AGMO: variants seen among roughly 807,000 people sequenced by gnomAD.
AGMO encodes glyceryl-ether monooxygenase.
In AGMO, 75 loss-of-function variants were observed where a neutral mutation model predicts 60.2. That is an observed-to-expected ratio of 1.25 (90% confidence interval 1.03 to 1.51). AGMO has a LOEUF of 1.51. AGMO is among the 40% of genes most tolerant of loss of function. AGMO has a pLI of 0.00. For synonymous variants in AGMO, 261 were observed against 177.1 expected (o/e 1.47, Z -3.76); for missense variants, 763 against 525.5 (o/e 1.45, Z -4.42).
intron 3 of AGMO, among the ~76,000 whole-genome samples, chr7:15,544,359 A>T (rs1008356828): frequency 2.0e-5 from 3 of 152,042 alleles, no homozygotes; most frequent in South Asian, 2.1e-4. Flanking sequence ...TTGCCCAAAA[A>T]CCTATTGCAA....
Position 15,367,834 on chromosome 7 carries a change from C to G in AGMO, c.1075-1612G>C, listed in dbSNP as rs142489630. Among the ~76,000 whole-genome samples the G allele has an allele frequency of 1.6e-3, 249 of 152,186 alleles. 1 individual carries two copies. Among genetic ancestry groups the G allele is most frequent in the African/African-American group, 5.6e-3 (234 of 41,562 alleles). On this transcript the variant is annotated intron_variant, in intron 10 of 12. Transcript: ENST00000342526. ...GTGCCCAAAACATTATGCAAGCACT[C>G]TTTCCTTTGTTTCCCCTTGAAATGA...
intron 12 of AGMO, among the ~76,000 whole-genome samples, chr7:15,357,912 A>G (rs1782603287): frequency 6.6e-6 from 1 of 152,238 alleles, no homozygotes. Context: ...ATAAATGCCA[A>G]GGAAGCCTGA....
the AGMO span, among the ~76,000 whole-genome samples, chr7:15,149,684 G>A: frequency 6.6e-6 from 1 of 152,020 alleles, no homozygotes; most frequent in Admixed American, 6.6e-5. Flanking sequence ...GTCTGTTTTT[G>A]TACCAGTACC....
In AGMO at chr7:15,356,683, GTTTAT is replaced by G. The variant is rs768600158; in HGVS notation, c.1263+8826_1263+8830del. 4.9e-4 allele frequency among the ~76,000 whole-genome samples: 74 copies of G among 151,776 alleles called. 1 individual carries two copies. Among genetic ancestry groups the G allele is most frequent in the African/African-American group, 1.1e-3 (45 of 41,428 alleles). On this transcript the variant is annotated intron_variant, in intron 12 of 12. Transcript: ENST00000342526. ...ATTATATAATTTTATTTAGAATGGT[GTTTAT>G]TTTATCTTTTATAAAAATGTATCTA...
At chr7:15,128,859 T>C in the AGMO span, among the ~76,000 whole-genome samples, 8 of 152,182 alleles carry the variant, frequency 5.3e-5, no homozygotes, top group South Asian at 1.7e-3. Context: ...TTGCTGTAGC[T>C]AGGGAGTCAG....
intron 2 of AGMO, among the ~76,000 whole-genome samples, chr7:15,553,705 T>TA (rs1785045226): frequency 6.6e-6 from 1 of 151,524 alleles, no homozygotes; most frequent in African/African-American, 2.4e-5. Context: ...CTTCCATTTG[T>TA]AAAAAAATAC....
intron 3 of AGMO, among the ~76,000 whole-genome samples, chr7:15,501,223 G>A (rs1201456980): frequency 6.6e-6 from 1 of 151,786 alleles, no homozygotes; most frequent in Non-Finnish European, 1.5e-5. Context: ...TTGATTTCAG[G>A]ACCTGAATAT....
At chr7:15,449,776 A>AT (rs1001157974) in intron 3 of AGMO, among the ~76,000 whole-genome samples, 1 of 152,196 alleles carries the variant, frequency 6.6e-6, no homozygotes, top group Non-Finnish European at 1.5e-5. Flanking sequence ...AGTACTACTT[A>AT]TTTTTTTAAA....
the AGMO span, among the ~76,000 whole-genome samples, chr7:15,194,666 T>A: frequency 6.6e-6 from 1 of 152,208 alleles, no homozygotes; most frequent in Non-Finnish European, 1.5e-5. Flanking sequence ...AGCATAAGTT[T>A]TATTCAAAAG....
the AGMO span, among the ~76,000 whole-genome samples, chr7:15,179,118 A>G: frequency 6.6e-6 from 1 of 152,158 alleles, no homozygotes; most frequent in Non-Finnish European, 1.5e-5. Flanking sequence ...CATTTGAACC[A>G]CAGCATTCCT....
intron 3 of AGMO, among the ~76,000 whole-genome samples, chr7:15,462,672 A>T (rs965348123): frequency 2.0e-5 from 3 of 152,186 alleles, no homozygotes; most frequent in Non-Finnish European, 4.4e-5. Context: ...ATTTCTATTC[A>T]CAAAACTTTT....
chr7:15,414,475 T>TAC (rs112635860), intron 5 of AGMO, among the ~76,000 whole-genome samples: 34,254 of 146,328 alleles, frequency 0.23, 3,953 homozygotes, highest in Middle Eastern at 0.33. Context: ...TAGACACACA[T>TAC]ACACACACAC....
At chr7:15,169,586 A>G in the AGMO span, among the ~76,000 whole-genome samples, 1 of 151,970 alleles carries the variant, frequency 6.6e-6, no homozygotes, top group African/African-American at 2.4e-5. Flanking sequence ...ACACGCATCC[A>G]CCACCACACC....
At position 15,511,719 on chromosome 7, in the gene AGMO, G is replaced by A. The variant is rs75417754; in HGVS notation, c.409+33053C>T. On this transcript the variant is annotated intron_variant, in intron 3 of 12. Transcript: ENST00000342526. ...GCTAATCATTTCACAAAGTATACATGTTTCATTGTACATGGAACATGTTGA... is the reference window on the plus strand; with the variant it reads ...GCTAATCATTTCACAAAGTATACATATTTCATTGTACATGGAACATGTTGA... Among the ~76,000 whole-genome samples, 39 of 152,264 alleles carry A rather than the reference G, an allele frequency of 2.6e-4. No homozygotes were observed. The East Asian group carries it at 6.7e-3, about 26-fold the overall frequency.
intron 12 of AGMO, among the ~76,000 whole-genome samples, chr7:15,241,242 C>T (rs942677832): frequency 5.9e-5 from 9 of 151,478 alleles, no homozygotes; most frequent in Admixed American, 4.6e-4. Flanking sequence ...GGGCGGATCA[C>T]GAGGTCAGGA....
intron 12 of AGMO, among the ~76,000 whole-genome samples, chr7:15,204,029 T>C (rs1280848700): frequency 3.9e-5 from 6 of 152,080 alleles, no homozygotes; most frequent in Non-Finnish European, 8.8e-5. Context: ...CAAAGGATCA[T>C]AGAAATAAAA....
intron 12 of AGMO, among the ~76,000 whole-genome samples, chr7:15,207,359 T>A (rs1345599001): frequency 6.6e-6 from 1 of 152,226 alleles, no homozygotes; most frequent in African/African-American, 2.4e-5. Context: ...AAAGTGTTTT[T>A]AAAAGATGGC....
chr7:15,300,007 A>G (rs766943877), intron 12 of AGMO, among the ~76,000 whole-genome samples: 3 of 152,188 alleles, frequency 2.0e-5, no homozygotes, highest in Non-Finnish European at 4.4e-5. Flanking sequence ...TTAAATAGAA[A>G]CTGACCAAAG....
intron 2 of AGMO, among the ~76,000 whole-genome samples, chr7:15,556,228 T>TG (rs1227086343): frequency 6.7e-6 from 1 of 148,868 alleles, no homozygotes; most frequent in African/African-American, 2.5e-5. Context: ...AGTTTTTTTT[T>TG]TTTTTTTTTT....
Sources: gnomAD v4.1 joint callset for allele counts (sites outside exome capture counted in the v4.1 genomes callset) on GRCh38, gnomAD v4.1.1 for gene constraint, MANE v1.5 for transcripts, NCBI Gene and HGNC (gene_info 2026-07-23, HGNC 2026-07-21) for gene names.